The following ADAMTSL1 variants were observed in gnomAD, a reference collection of about 807,000 sequenced individuals.
ADAMTSL1 encodes ADAMTS-like protein 1.
Under a neutral mutation model 201.8 loss-of-function variants are expected in ADAMTSL1, and 126 were observed. The observed-to-expected ratio is 0.62, with a 90% CI of 0.54 to 0.72. The LOEUF is 0.72. ADAMTSL1 is among the 30% of genes least tolerant of loss of function. The pLI is 0.00. For synonymous variants in ADAMTSL1, 1,121 were observed against 903.4 expected, an observed-to-expected ratio of 1.24 and a Z score of -4.32; for missense variants, 2,679 against 2,277.8, an observed-to-expected ratio of 1.18 and a Z score of -3.59.
At chr9:18,037,866 G>A (rs529887598) in intron 1 of ADAMTSL1, among the ~76,000 whole-genome samples, 15 of 152,196 alleles carry the variant, frequency 9.9e-5, no homozygotes, top group Admixed American at 5.2e-4. Flanking sequence ...CAAATGGTGC[G>A]CAATTAAAAT....
chr9:18,624,177 T>C (rs1194057498), intron 5 of ADAMTSL1, among the ~76,000 whole-genome samples: 1 of 152,076 alleles, frequency 6.6e-6, no homozygotes, highest in African/African-American at 2.4e-5. Context: ...AATGTAATTC[T>C]GCAAAAAAAA....
chr9:18,297,550 A>T (rs1014900023), intron 2 of ADAMTSL1, among the ~76,000 whole-genome samples: 1 of 152,162 alleles, frequency 6.6e-6, no homozygotes, highest in Non-Finnish European at 1.5e-5. Context: ...AAAGGGGTCA[A>T]ATTCAAAAGG....
intron 2 of ADAMTSL1, among the ~76,000 whole-genome samples, chr9:18,184,665 C>G (rs1006585946): frequency 1.3e-5 from 2 of 152,162 alleles, no homozygotes; most frequent in African/African-American, 2.4e-5. Context: ...CACTGAATAA[C>G]AAACTCGTCT....
At chr9:18,276,520 A>G (rs1335309728) in intron 2 of ADAMTSL1, among the ~76,000 whole-genome samples, 3 of 152,072 alleles carry the variant, frequency 2.0e-5, no homozygotes, top group African/African-American at 4.8e-5. Flanking sequence ...GTGTTATTCC[A>G]TTTTGCATCT....
rs140616979 is a variant in ADAMTSL1 at position 18,607,286 on chromosome 9, G to A, written c.475-14957G>A. Among the ~76,000 whole-genome samples the A allele has an allele frequency of 2.6e-5, 4 of 152,232 alleles. No individual in the cohort carries two copies. The East Asian group carries it at 7.7e-4, about 29-fold the overall frequency. Reference sequence around the variant, plus strand: ...TGTAAAATTTTAATGTTGAAAAACAGCCCGAAGTCTAGGTCAACACTCTGC... The same window carrying A: ...TGTAAAATTTTAATGTTGAAAAACAACCCGAAGTCTAGGTCAACACTCTGC... On this transcript the variant is annotated intron_variant, in intron 4 of 28. Transcript: ENST00000380548.
chr9:18,538,990 G>A (rs1206041002), intron 3 of ADAMTSL1, among the ~76,000 whole-genome samples: 1 of 152,094 alleles, frequency 6.6e-6, no homozygotes, highest in East Asian at 1.9e-4. Context: ...AATAACAACT[G>A]CAAGAGTTGG....
intron 7 of ADAMTSL1, among the ~76,000 whole-genome samples, chr9:18,643,099 T>G (rs1178270236): frequency 6.6e-6 from 1 of 152,036 alleles, no homozygotes; most frequent in African/African-American, 2.4e-5. Flanking sequence ...ACTTACCTTT[T>G]GTCTTTTTGA....
intron 4 of ADAMTSL1, among the ~76,000 whole-genome samples, chr9:18,609,235 G>C (rs1825221793): frequency 6.6e-6 from 1 of 152,174 alleles, no homozygotes; most frequent in Admixed American, 6.5e-5. Context: ...GAGTTGGAGA[G>C]CTAAGGAAGG....
At chr9:18,125,030 T>C (rs1380678211) in intron 1 of ADAMTSL1, among the ~76,000 whole-genome samples, 2 of 152,080 alleles carry the variant, frequency 1.3e-5, no homozygotes, top group East Asian at 3.9e-4. Context: ...CATCTCTTGC[T>C]GTTAAAAAAC....
intron 15 of ADAMTSL1, among the ~76,000 whole-genome samples, chr9:18,730,118 G>T (rs1030039978): frequency 6.6e-6 from 1 of 152,090 alleles, no homozygotes; most frequent in Non-Finnish European, 1.5e-5. Flanking sequence ...CAATAATTTG[G>T]CTGATGCTTT....
At chr9:18,213,447 C>T (rs1299047079) in intron 2 of ADAMTSL1, among the ~76,000 whole-genome samples, 2 of 152,052 alleles carry the variant, frequency 1.3e-5, no homozygotes, top group Non-Finnish European at 2.9e-5. Flanking sequence ...TGTTGTTTTC[C>T]GTTAGAACTT....
chr9:17,925,485 G>A (rs1312054288), intron 1 of ADAMTSL1, among the ~76,000 whole-genome samples: 1 of 97,094 alleles, frequency 1.0e-5, no homozygotes, highest in Non-Finnish European at 2.2e-5. Context: ...ACTGGATTAA[G>A]AAAATGTGGC....
intron 2 of ADAMTSL1, among the ~76,000 whole-genome samples, chr9:18,365,283 C>T (rs560845063): frequency 6.6e-6 from 1 of 152,158 alleles, no homozygotes; most frequent in East Asian, 1.9e-4. Context: ...CAAAAACATC[C>T]AGGAATAAAA....
intron 3 of ADAMTSL1, among the ~76,000 whole-genome samples, chr9:18,559,859 G>C (rs1016588861): frequency 2.6e-5 from 4 of 152,130 alleles, no homozygotes; most frequent in African/African-American, 7.2e-5. Flanking sequence ...CATTGATTTT[G>C]TATCCTGAGA....
intron 2 of ADAMTSL1, among the ~76,000 whole-genome samples, chr9:18,298,542 C>T (rs181078306): frequency 2.1e-4 from 32 of 152,024 alleles, no homozygotes; most frequent in Non-Finnish European, 4.3e-4. Context: ...TGTGTGTGTG[C>T]ACGTGTGTGT....
intron 1 of ADAMTSL1, among the ~76,000 whole-genome samples, chr9:18,133,364 G>A (rs1450175734): frequency 6.6e-6 from 1 of 152,078 alleles, no homozygotes; most frequent in Non-Finnish European, 1.5e-5. Flanking sequence ...TGATCCCTCT[G>A]TATCTCCTGC....
chr9:18,863,249 A>C (rs1324228426), intron 23 of ADAMTSL1, among the ~76,000 whole-genome samples: 1 of 152,220 alleles, frequency 6.6e-6, no homozygotes, highest in Non-Finnish European at 1.5e-5. Flanking sequence ...ATCATTTTGG[A>C]AAATGCAAGG....
At chr9:18,506,147 G>T (rs1306039071) in intron 2 of ADAMTSL1, among the ~76,000 whole-genome samples, 2 of 152,200 alleles carry the variant, frequency 1.3e-5, no homozygotes, top group Non-Finnish European at 2.9e-5. Context: ...AGGTTTGTTT[G>T]TCTCATTTTT....
chr9:18,848,272 C>T (rs1159853667), intron 23 of ADAMTSL1, among the ~76,000 whole-genome samples: 1 of 152,168 alleles, frequency 6.6e-6, no homozygotes, highest in Non-Finnish European at 1.5e-5. Context: ...GACAAGGCAT[C>T]AGTACTTTTA....
Sources: gnomAD v4.1 joint callset for allele counts (sites outside exome capture counted in the v4.1 genomes callset) on GRCh38, gnomAD v4.1.1 for gene constraint, MANE v1.5 for transcripts, NCBI Gene and HGNC (gene_info 2026-07-23, HGNC 2026-07-21) for gene names.